The following FOXP2 variants were observed in gnomAD, a reference collection of about 807,000 sequenced individuals.
FOXP2 encodes forkhead box P2.
FOXP2 carries 12 observed loss-of-function variants against 115.8 expected under a neutral mutation model. The ratio of observed to expected loss-of-function variants is 0.10; its 90% CI spans 0.07 to 0.17. FOXP2 has a LOEUF of 0.17. Among genes scored for constraint, FOXP2 ranks in the 10% least tolerant of loss-of-function variants. FOXP2 has a pLI of 1.00. For synonymous variants in FOXP2, 328 were observed against 297.7 expected, an observed-to-expected ratio of 1.10 and a Z score of -1.05; for missense variants, 629 against 843.5, an observed-to-expected ratio of 0.75 and a Z score of 3.15.
intron 3 of FOXP2, among the ~76,000 whole-genome samples, chr7:114,623,116 A>G (rs576248133): frequency 2.0e-4 from 30 of 152,010 alleles, no homozygotes; most frequent in African/African-American, 7.2e-4. Flanking sequence ...GCAAAGTATT[A>G]TTGATTTTGT....
intron 1 of FOXP2, among the ~76,000 whole-genome samples, chr7:114,272,539 T>G (rs572774823): frequency 6.6e-6 from 1 of 151,888 alleles, no homozygotes; most frequent in Admixed American, 6.6e-5. Flanking sequence ...GGTAATTAAT[T>G]ATTGACTCAA....
At chr7:114,679,109 C>T (rs1807935613) in intron 16 of FOXP2, among the ~76,000 whole-genome samples, 1 of 152,116 alleles carries the variant, frequency 6.6e-6, no homozygotes, top group Non-Finnish European at 1.5e-5. Flanking sequence ...GGATCATAGG[C>T]ACCCGCCACC....
intron 2 of FOXP2, among the ~76,000 whole-genome samples, chr7:114,475,388 T>A (rs575211468): frequency 6.6e-6 from 1 of 152,070 alleles, no homozygotes; most frequent in East Asian, 1.9e-4. Context: ...AATTTGTGAA[T>A]CATATATTAA....
intron 3 of FOXP2, among the ~76,000 whole-genome samples, chr7:114,559,905 C>A (rs1335572097): frequency 3.1e-5 from 4 of 130,908 alleles, no homozygotes; most frequent in South Asian, 2.6e-4. Context: ...AAAAAAAAAT[C>A]TCATTTTAAA....
intron 2 of FOXP2, among the ~76,000 whole-genome samples, chr7:114,397,849 G>C (rs1419462817): frequency 2.6e-5 from 4 of 152,214 alleles, no homozygotes; most frequent in Non-Finnish European, 5.9e-5. Context: ...TCAGACCAGA[G>C]ATGGTGCTTT....
At chr7:114,548,597 CTA>C (rs1212387739) in intron 3 of FOXP2, among the ~76,000 whole-genome samples, 1 of 152,104 alleles carries the variant, frequency 6.6e-6, no homozygotes, top group Non-Finnish European at 1.5e-5. Flanking sequence ...ATTAATGTGA[CTA>C]AAGTTCAGTG....
intron 1 of FOXP2, among the ~76,000 whole-genome samples, chr7:114,118,297 G>T (rs549885003): frequency 6.6e-6 from 1 of 152,160 alleles, no homozygotes; most frequent in East Asian, 1.9e-4. Context: ...TTCTTATTCT[G>T]TGTGAAATTT....
intron 3 of FOXP2, among the ~76,000 whole-genome samples, chr7:114,600,958 CT>C (rs202150462): frequency 0.14 from 20,158 of 139,642 alleles, 1,553 homozygotes; most frequent in African/African-American, 0.24. Flanking sequence ...TTGTCAGTAT[CT>C]TTTTTTTTTT....
intron 1 of FOXP2, among the ~76,000 whole-genome samples, chr7:114,112,586 C>T (rs1023578593): frequency 3.9e-5 from 6 of 152,116 alleles, no homozygotes; most frequent in African/African-American, 1.4e-4. Flanking sequence ...AGGCGTGAGT[C>T]ACTGTTCCTG....
intron 9 of FOXP2, among the ~76,000 whole-genome samples, chr7:114,652,963 A>G (rs1457016198): frequency 1.3e-5 from 2 of 152,108 alleles, no homozygotes; most frequent in Admixed American, 6.6e-5. Flanking sequence ...ATGTCACCCA[A>G]AGTCTGACTC....
intron 2 of FOXP2, among the ~76,000 whole-genome samples, chr7:114,491,533 GGCTTTTGTTGCCATT>G (rs1797054256): frequency 6.6e-6 from 1 of 151,736 alleles, no homozygotes; most frequent in South Asian, 2.1e-4. Context: ...TGTCAATTTT[GGCTTTTGTTGCCATT>G]GCTTTTGGTG....
chr7:114,274,071 A>T (rs1796126121), intron 1 of FOXP2, among the ~76,000 whole-genome samples: 1 of 150,990 alleles, frequency 6.6e-6, no homozygotes. Context: ...CTTCTTTCTC[A>T]GCATGTCAGT....
chr7:114,440,236 T>A (rs975073585), intron 2 of FOXP2, among the ~76,000 whole-genome samples: 9 of 152,318 alleles, frequency 5.9e-5, no homozygotes, highest in South Asian at 2.1e-4. Flanking sequence ...TATACCCTTT[T>A]AAAGACAGTA....
intron 1 of FOXP2, among the ~76,000 whole-genome samples, chr7:114,093,018 C>T (rs187782487): frequency 9.2e-5 from 14 of 152,228 alleles, no homozygotes; most frequent in East Asian, 7.7e-4. Context: ...CTCCAGGCAC[C>T]GCAGTTTATT....
At chr7:114,130,156 A>C (rs537340462) in intron 1 of FOXP2, among the ~76,000 whole-genome samples, 1 of 152,164 alleles carries the variant, frequency 6.6e-6, no homozygotes, top group South Asian at 2.1e-4. Flanking sequence ...TCTACCAAAA[A>C]ATAAAAATAA....
rs1793404335 is a variant in FOXP2 at position 114,417,547 on chromosome 7, T to C, written c.-11+2187T>C. On this transcript the variant is annotated intron_variant, in intron 1 of 16. Transcript: ENST00000350908. The stretch of plus-strand genomic sequence containing the variant: ...ATGCTGATATTATCGACATAAATGA[T>C]GCAGTTAAGCAGTGGAATCTCATTT... Among the ~76,000 whole-genome samples, 5 of 151,970 alleles carry C rather than the reference T, an allele frequency of 3.3e-5. 1 individual carries two copies. The South Asian group carries it at 1.0e-3, about 31-fold the overall frequency.
intron 1 of FOXP2, among the ~76,000 whole-genome samples, chr7:114,092,690 A>T (rs1293923834): frequency 6.6e-6 from 1 of 152,132 alleles, no homozygotes; most frequent in East Asian, 1.9e-4. Flanking sequence ...GTAGACTGTC[A>T]TAAAATCATC....
rs1799286149 is a variant in FOXP2 at position 114,534,537 on chromosome 7, C to A, written c.169-80C>A. 3 of 1,107,702 alleles carry A rather than the reference C, an allele frequency of 2.7e-6. No homozygotes were observed. The East Asian group carries it at 7.1e-5, about 26-fold the overall frequency. The allele number at this position is 1,107,702 out of a possible 1,614,324, so 68.6% of individuals were successfully genotyped here. ...ATATGGGAGTTCTTGTACATTGAAG[C>A]CTTTTACTATTAACCAAGAGATAAT... On this transcript the variant is annotated intron_variant, in intron 2 of 16. Coordinates refer to ENST00000350908, the MANE Select transcript of FOXP2 (RefSeq NM_014491.4).
chr7:114,571,625 C>T (rs1348531955), intron 3 of FOXP2, among the ~76,000 whole-genome samples: 1 of 151,770 alleles, frequency 6.6e-6, no homozygotes, highest in African/African-American at 2.4e-5. Flanking sequence ...TGCATCTGTA[C>T]CGAAAATTTT....
Sources: allele counts gnomAD v4.1 joint callset (sites outside exome capture counted in the v4.1 genomes callset), GRCh38; gene constraint gnomAD v4.1.1; transcripts MANE v1.5; gene names NCBI Gene and HGNC (gene_info 2026-07-23, HGNC 2026-07-21).